MAD2L2: variants seen among roughly 807,000 people sequenced by gnomAD.
The protein encoded by MAD2L2 is mitotic spindle assembly checkpoint protein MAD2B.
MAD2L2 carries 17 observed loss-of-function variants against 30.5 expected under a neutral mutation model. That is an observed-to-expected ratio of 0.56 (90% CI 0.38 to 0.84). The LOEUF (loss-of-function observed/expected upper bound fraction) is 0.84. MAD2L2 is among the 40% of genes least tolerant of loss of function. The pLI, the probability that MAD2L2 is intolerant of heterozygous loss-of-function variation, is 0.00. For missense variants in MAD2L2, 213 were observed against 277.4 expected (o/e 0.77, Z 1.65); for synonymous variants, 101 against 113.9 (o/e 0.89, Z 0.72).
chr1:11,676,027 G>A lies in MAD2L2; in HGVS notation c.427+19C>T, dbSNP rs745917324. On this transcript the variant is annotated intron_variant, in intron 6 of 8. Transcript: ENST00000376692. Reference sequence around the variant, plus strand: ...ACCATGGAAATGCCAAGGGAAGAGAGGGTGGGGAGTGGACACACCTGGGGG... The same window carrying A: ...ACCATGGAAATGCCAAGGGAAGAGAAGGTGGGGAGTGGACACACCTGGGGG... 29 of 1,602,144 alleles carry A rather than the reference G, an allele frequency of 1.8e-5. No homozygotes were observed. The highest frequency in any genetic ancestry group is 2.4e-5 in the Non-Finnish European group (28 of 1,169,574).
intron 2 of MAD2L2, 36 bp downstream of exon 2, chr1:11,680,526 C>A (rs1640855414): frequency 6.2e-7 from 1 of 1,609,792 alleles, no homozygotes; most frequent in Non-Finnish European, 8.5e-7. Flanking sequence ...GGCCCAGACG[C>A]CCCCGCCCCC....
At chr1:11,684,847 A>C (rs1335288663), upstream of MAD2L2, among the ~76,000 whole-genome samples, 4 of 151,908 alleles carry the variant, frequency 2.6e-5, no homozygotes, top group Non-Finnish European at 5.9e-5. Flanking sequence ...ATCCAGTTGC[A>C]ATGCTCCGGG....
rs768584114 is a variant in MAD2L2 at position 11,677,573 on chromosome 1, C to T, written c.201G>A (p.Thr67=). 6.8e-6 allele frequency: 11 copies of T among 1,613,814 alleles called. No homozygotes were observed. In the East Asian group the frequency reaches 1.6e-4, roughly 23 times the overall value. The change falls in exon 4 of 9, where the codon ACG becomes ACA. Residue 67 remains threonine (T), a synonymous_variant. Coordinates refer to ENST00000376692, the MANE Select transcript of MAD2L2 (RefSeq NM_006341.4). ...HPELNQYIQD[T]LHCVKPLLEK... is the part of the protein sequence containing the mutation. ...CCAGGAGTGGCTTGACGCAGTGCAG[C>T]GTGTCCTGGATATACTGATTCAGCT...
In MAD2L2 at chr1:11,687,721, A is replaced by T. The variant is rs941623642; in HGVS notation, c.-692+3692T>A. 6.6e-6 allele frequency among the ~76,000 whole-genome samples: 1 copy of T among 152,216 alleles called. No homozygotes were observed. Among genetic ancestry groups the T allele is most frequent in the Admixed American group, 6.5e-5 (1 of 15,278 alleles). ...ATTCCATATAAAAGTAATTGTACAA[A>T]ATATGGTCTTTTATGTCTGGCTTGT... On this transcript the variant is annotated intron_variant, in intron 1 of 10. Coordinates refer to the MAD2L2 transcript ENST00000235310. This position sits in a 1 kb window ranked among gnomAD's most constrained non-coding sequence, Gnocchi z 4.1.
intron 7 of MAD2L2, 72 bp downstream of exon 7, chr1:11,675,586 C>T: frequency 6.9e-7 from 1 of 1,447,738 alleles, no homozygotes. Context: ...ACAGGCAGTG[C>T]CCCTGCCCGC....
At chr1:11,682,163 C>G (rs371935179), upstream of MAD2L2, 94 of 152,352 alleles carry the variant, frequency 6.2e-4, 1 homozygote, top group African/African-American at 1.9e-3. Context: ...GAAACGTTCT[C>G]TAATTCGCCA....
chr1:11,682,591 C>A (rs992217484), upstream of MAD2L2, among the ~76,000 whole-genome samples: 1 of 151,934 alleles, frequency 6.6e-6, no homozygotes, highest in Admixed American at 6.6e-5. Flanking sequence ...GCATCAGAAT[C>A]CCCCAGGAGC....
At chr1:11,676,226 A>T in intron 5 of MAD2L2, 86 bp from the exon 6 acceptor site, 1 of 825,362 alleles carries the variant, frequency 1.2e-6, no homozygotes, top group Non-Finnish European at 1.9e-6. Flanking sequence ...CTGGGGTACA[A>T]GACCCCCTCC....
chr1:11,680,592 G>A lies in MAD2L2; in HGVS notation c.10C>T (p.Leu4Phe). MTTLTRQDLNFGQV... is the reference protein window; with the variant it reads MTTFTRQDLNFGQV... ...CCAAAGTTGAGGTCTTGTCGTGTGA[G>A]CGTGGTCATCCTTCCCGCTACCTGA... Residue 4 changes from leucine to phenylalanine, a missense_variant, in exon 2 of 9, where the codon CTC becomes TTC. By Grantham distance (22) the Leu-to-Phe change is conservative (BLOSUM62 0). Coordinates refer to ENST00000376692, the MANE Select transcript of MAD2L2 (RefSeq NM_006341.4). The A allele has an allele frequency of 1.3e-6, 2 of 1,577,514 alleles. No homozygotes were observed. Among genetic ancestry groups the A allele is most frequent in the Non-Finnish European group, 1.7e-6 (2 of 1,158,526 alleles).
At chr1:11,691,740 C>T, upstream of MAD2L2, 1 of 150,374 alleles carries the variant, frequency 6.7e-6, no homozygotes, top group Non-Finnish European at 1.5e-5. Context: ...CATCCTCCGG[C>T]TGCCCGCGCA....
chr1:11,682,953 C>A (rs1426643159), upstream of MAD2L2, among the ~76,000 whole-genome samples: 1 of 152,202 alleles, frequency 6.6e-6, no homozygotes, highest in East Asian at 1.9e-4. Flanking sequence ...CTGGCTTATA[C>A]ACAGAGTTCC....
At chr1:11,677,500 T>G (rs767396655) in intron 4 of MAD2L2, 43 bp downstream of exon 4, 1 of 1,583,362 alleles carries the variant, frequency 6.3e-7, no homozygotes, top group Non-Finnish European at 8.7e-7. Context: ...GGGACGGGGG[T>G]GAGCATGGGG....
chr1:11,680,659 G>A, intron 1 of MAD2L2, 46 bp from the exon 2 acceptor site: 2 of 1,509,058 alleles, frequency 1.3e-6, no homozygotes, highest in Non-Finnish European at 1.8e-6. Flanking sequence ...AGACCCAGGA[G>A]CCCAGAACCC....
intron 5 of MAD2L2, 41 bp downstream of exon 5, chr1:11,676,807 A>C (rs2233019): frequency 0.013 from 19,468 of 1,525,012 alleles, 155 homozygotes; most frequent in Middle Eastern, 0.017. Flanking sequence ...CCAGAGACAC[A>C]CCTGATGCCA....
chr1:11,680,913 T>G, intron 1 of MAD2L2, 126 bp downstream of exon 1: 2 of 530,066 alleles, frequency 3.8e-6, no homozygotes, highest in South Asian at 7.7e-5. Context: ...AACAGCGGGA[T>G]GCCCAGGGCC....
intron 5 of MAD2L2, 149 bp downstream of exon 5, chr1:11,676,699 A>T: frequency 1.5e-6 from 1 of 685,272 alleles, no homozygotes; most frequent in Non-Finnish European, 2.6e-6. Context: ...TCAGCTGCTC[A>T]CAGGCTGTCC....
Position 11,687,127 on chromosome 1 carries a change from G to A in MAD2L2, c.-692+4286C>T, listed in dbSNP as rs1398600297. On this transcript the variant is annotated intron_variant, in intron 1 of 10. Transcript: ENST00000235310. This position sits in a 1 kb window ranked among gnomAD's most constrained non-coding sequence, Gnocchi z 4.1. ...GTCATCTAGGCTGGAGTGCAGTGAC[G>A]CAATCACAGCTCACTGAAGCCTCAA... Among the ~76,000 whole-genome samples the A allele has an allele frequency of 2.0e-5, 3 of 152,134 alleles. No homozygotes were observed. Among genetic ancestry groups the A allele is most frequent in the Non-Finnish European group, 2.9e-5 (2 of 68,000 alleles).
upstream of MAD2L2, among the ~76,000 whole-genome samples, chr1:11,684,894 T>G (rs1055841924): frequency 1.3e-5 from 2 of 150,652 alleles, no homozygotes; most frequent in Non-Finnish European, 2.9e-5. Context: ...TTCAATATAG[T>G]GCCTGGCCAA....
At position 11,687,175 on chromosome 1, in the gene MAD2L2, C is replaced by A. The variant is rs1200396883; in HGVS notation, c.-692+4238G>T. 6.6e-6 allele frequency among the ~76,000 whole-genome samples: 1 copy of A among 152,220 alleles called. No individual in the cohort carries two copies. Among genetic ancestry groups the A allele is most frequent in the African/African-American group, 2.4e-5 (1 of 41,460 alleles). ...CAACCTCCTGGGCTCAAGCGATCCT[C>A]CCACCTCAGCCTCCCCAATAGCTGG... On this transcript the variant is annotated intron_variant, in intron 1 of 10. Coordinates refer to the MAD2L2 transcript ENST00000235310. This position sits in a 1 kb window ranked among gnomAD's most constrained non-coding sequence, Gnocchi z 4.1.
Sources: gnomAD v4.1 joint callset for allele counts (sites outside exome capture counted in the v4.1 genomes callset) on GRCh38, gnomAD v4.1.1 for gene constraint, Gnocchi (gnomAD v3.1) non-coding constraint, MANE v1.5 for transcripts, NCBI Gene and HGNC (gene_info 2026-07-23, HGNC 2026-07-21) for gene names.